The following DAAM2 variants were observed in gnomAD, a reference collection of about 807,000 sequenced individuals.
The protein encoded by DAAM2 is dishevelled associated activator of morphogenesis 2, also known as disheveled-associated activator of morphogenesis 2.
A neutral mutation model predicts 120.7 loss-of-function variants in DAAM2; 39 were observed. The ratio of observed to expected loss-of-function variants is 0.32; its 90% confidence interval spans 0.25 to 0.42. The LOEUF is 0.42. Ranked by LOEUF, DAAM2 falls within the 10% of genes least tolerant of loss-of-function variation. The pLI is 1.00. For missense variants in DAAM2, 1,283 were observed against 1,401.7 expected (o/e 0.92, Z 1.35); for synonymous variants, 488 against 524.9 (o/e 0.93, Z 0.96).
chr6:39,883,760 G>T (rs544151525), intron 14 of DAAM2: 1,251 of 543,950 alleles, frequency 2.3e-3, no homozygotes, highest in Admixed American at 3.8e-3. Context: ...AGGAAAAGGG[G>T]GTTGTCTCTG....
At chr6:39,882,964 C>A (rs1765196459) in intron 14 of DAAM2, among the ~76,000 whole-genome samples, 1 of 152,038 alleles carries the variant, frequency 6.6e-6, no homozygotes, top group Non-Finnish European at 1.5e-5. Context: ...GTTTCTCTCT[C>A]CAAGTCTTTC....
chr6:39,888,510 G>C (rs1208140719), intron 16 of DAAM2, 169 bp from the exon 17 acceptor site: 85 of 513,554 alleles, frequency 1.7e-4, no homozygotes, highest in Non-Finnish European at 6.8e-5. Context: ...CAAGTTTGTG[G>C]ACTGAATCAT....
At chr6:39,871,111 C>A (rs748273091) in intron 8 of DAAM2, among the ~76,000 whole-genome samples, 1 of 152,088 alleles carries the variant, frequency 6.6e-6, no homozygotes, top group African/African-American at 2.4e-5. Context: ...AGACATTGGG[C>A]GATGCCTGCA....
chr6:39,864,035 A>C (rs1445745072), intron 3 of DAAM2, among the ~76,000 whole-genome samples: 3 of 152,260 alleles, frequency 2.0e-5, no homozygotes, highest in Admixed American at 6.5e-5. Flanking sequence ...GTAAAATATG[A>C]GAATGAGATT....
chr6:39,798,887 A>G (rs1426474403), intron 1 of DAAM2, among the ~76,000 whole-genome samples: 2 of 152,066 alleles, frequency 1.3e-5, no homozygotes, highest in Non-Finnish European at 2.9e-5. Flanking sequence ...AACACATTGC[A>G]TTACCGTCGA....
At chr6:39,856,638 T>G (rs1172795619) in intron 2 of DAAM2, among the ~76,000 whole-genome samples, 168 bp downstream of exon 2, 1 of 152,174 alleles carries the variant, frequency 6.6e-6, no homozygotes, top group Non-Finnish European at 1.5e-5. Flanking sequence ...AACCAGAGTC[T>G]CTCACTGGGA....
intron 1 of DAAM2, among the ~76,000 whole-genome samples, chr6:39,812,274 C>T (rs1226812272): frequency 6.6e-6 from 1 of 152,214 alleles, no homozygotes; most frequent in African/African-American, 2.4e-5. Context: ...ATGGAGGGCT[C>T]ACTAGGTGCC....
intron 1 of DAAM2, among the ~76,000 whole-genome samples, chr6:39,813,804 C>A (rs1407831257): frequency 3.9e-5 from 6 of 152,180 alleles, no homozygotes; most frequent in African/African-American, 1.4e-4. Flanking sequence ...CCAGTCTTTT[C>A]TCTCCACATA....
intron 1 of DAAM2, among the ~76,000 whole-genome samples, chr6:39,808,539 A>C: frequency 6.6e-6 from 1 of 152,212 alleles, no homozygotes; most frequent in Middle Eastern, 3.2e-3. Flanking sequence ...CACCACTGGG[A>C]ATTGCTTCAC....
intron 1 of DAAM2, among the ~76,000 whole-genome samples, chr6:39,798,114 G>A (rs1036307594): frequency 2.0e-5 from 3 of 152,190 alleles, no homozygotes; most frequent in Non-Finnish European, 4.4e-5. Flanking sequence ...TCCTGCTCTG[G>A]ATCCCAGACA....
At chr6:39,888,547 AGAG>A (rs1416254666) in intron 16 of DAAM2, 129 bp from the exon 17 acceptor site, 5 of 636,300 alleles carry the variant, frequency 7.9e-6, no homozygotes, top group Non-Finnish European at 1.4e-5. Flanking sequence ...AAGGCTTTGT[AGAG>A]GAGGTGAGGG....
Position 39,903,281 on chromosome 6 carries a change from G to A in DAAM2, c.*1244G>A, listed in dbSNP as rs1766593081. ...AAACTGGGGAGATGGGGATGGAGGA[G>A]GAAGGCTGATATCCTCTGGGGAGCA... On this transcript the variant is annotated 3_prime_UTR_variant, in exon 25 of 25. Coordinates refer to ENST00000274867, the MANE Select transcript of DAAM2 (RefSeq NM_001201427.2). 1 of 152,422 alleles carries A rather than the reference G, an allele frequency of 6.6e-6. No individual in the cohort carries two copies. Among genetic ancestry groups the A allele is most frequent in the Non-Finnish European group, 1.5e-5 (1 of 68,196 alleles). The allele number at this position is 152,422 out of a possible 1,614,324, so 9.4% of individuals were successfully genotyped here.
intron 1 of DAAM2, chr6:39,855,944 A>T (rs756822907): frequency 2.6e-4 from 194 of 740,446 alleles, no homozygotes; most frequent in Non-Finnish European, 3.1e-4. Context: ...CATGGAAGTC[A>T]CATTCAGTGA....
rs145421733 is a variant in DAAM2 at position 39,814,820 on chromosome 6, C to T, written c.-57+22355C>T. Among the ~76,000 whole-genome samples, 319 of 152,342 alleles carry T rather than the reference C, an allele frequency of 2.1e-3. 1 individual carries two copies. Among genetic ancestry groups the T allele is most frequent in the African/African-American group, 7.1e-3 (294 of 41,584 alleles). Reference sequence around the variant, plus strand: ...GTAACCTCAGCATCTGTTCTCACCACGTGGCTCTTCCTCCAGGAAGTTTTC... The same window carrying T: ...GTAACCTCAGCATCTGTTCTCACCATGTGGCTCTTCCTCCAGGAAGTTTTC... On this transcript the variant is annotated intron_variant, in intron 1 of 24. Coordinates refer to ENST00000274867, the MANE Select transcript of DAAM2 (RefSeq NM_001201427.2).
chr6:39,826,247 C>T (rs538083744), intron 1 of DAAM2, among the ~76,000 whole-genome samples: 2 of 151,680 alleles, frequency 1.3e-5, no homozygotes, highest in South Asian at 2.1e-4. Flanking sequence ...GTTCAAATAA[C>T]TGCCAGTTAG....
At chr6:39,825,257 G>A (rs141184072) in intron 1 of DAAM2, among the ~76,000 whole-genome samples, 115 of 152,158 alleles carry the variant, frequency 7.6e-4, no homozygotes, top group African/African-American at 2.7e-3. Flanking sequence ...AGGCATGGTG[G>A]TGTGCGCCTG....
In DAAM2 at chr6:39,870,386, TG is replaced by T. The variant is rs1267795463; in HGVS notation, c.923del (p.Gly308ValfsTer5). The T allele has an allele frequency of 1.3e-6, 2 of 1,587,942 alleles. No homozygotes were observed. Among genetic ancestry groups the T allele is most frequent in the African/African-American group, 1.3e-5 (1 of 74,558 alleles). On this transcript the variant is annotated frameshift_variant, in exon 8 of 25. Transcript: ENST00000274867. LOFTEE classifies it high-confidence loss of function. ...RLHLRYEFLMLGIQPVIDKLR... is the reference protein window; with the variant it reads ...RLHLRYEFLMXGIQPVIDKLR... ...CATCTACGGTATGAATTCCTGATGC[TG>T]GGTATACAGCCTGTGATTGACAAGC... is the stretch of plus-strand genomic sequence containing the variant.
intron 23 of DAAM2, among the ~76,000 whole-genome samples, chr6:39,900,858 T>C (rs974968830): frequency 6.6e-6 from 1 of 152,210 alleles, no homozygotes; most frequent in Non-Finnish European, 1.5e-5. Flanking sequence ...CACTGTTTTA[T>C]AGCCACCAAC....
intron 1 of DAAM2, among the ~76,000 whole-genome samples, chr6:39,834,200 G>C (rs898327958): frequency 2.0e-5 from 3 of 152,128 alleles, no homozygotes; most frequent in Non-Finnish European, 4.4e-5. Context: ...TCCACCAGGG[G>C]TAAATATAAG....
Sources: gnomAD v4.1 joint callset for allele counts (sites outside exome capture counted in the v4.1 genomes callset) on GRCh38, gnomAD v4.1.1 for gene constraint, MANE v1.5 for transcripts, NCBI Gene and HGNC (gene_info 2026-07-23, HGNC 2026-07-21) for gene names.